Variants in CREB1 observed in about 807,000 individuals in gnomAD.
The protein encoded by CREB1 is cAMP responsive element binding protein 1, also known as cyclic AMP-responsive element-binding protein 1.
CREB1 carries 2 observed loss-of-function variants against 42.0 expected under a neutral mutation model. That is an observed-to-expected ratio of 0.05 (90% CI 0.02 to 0.15). The LOEUF (loss-of-function observed/expected upper bound fraction) is 0.15. Among genes scored for constraint, CREB1 ranks in the 10% least tolerant of loss-of-function variants. CREB1 has a pLI of 1.00. For synonymous variants in CREB1, 123 were observed against 139.9 expected (o/e 0.88, Z 0.85); for missense variants, 199 against 388.9 (o/e 0.51, Z 4.11).
intron 7 of CREB1, among the ~76,000 whole-genome samples, chr2:207,589,462 C>A (rs2084542373): frequency 6.6e-6 from 1 of 152,190 alleles, no homozygotes; most frequent in Non-Finnish European, 1.5e-5. Context: ...TTAAGGTCAG[C>A]TAATTAACAA....
At chr2:207,541,569 T>A (rs2081100715) in intron 1 of CREB1, among the ~76,000 whole-genome samples, 1 of 152,202 alleles carries the variant, frequency 6.6e-6, no homozygotes, top group African/African-American at 2.4e-5. Context: ...AGGTTTTGTT[T>A]TCTAACCTAA....
At chr2:207,561,054 G>T (rs1382089122) in intron 3 of CREB1, 2 of 1,418,584 alleles carry the variant, frequency 1.4e-6, no homozygotes, top group Non-Finnish European at 2.0e-6. Context: ...TGAAAAAAAA[G>T]ACTTGAACGT....
chr2:207,594,407 C>T (rs2085716717), intron 7 of CREB1, among the ~76,000 whole-genome samples: 1 of 152,142 alleles, frequency 6.6e-6, no homozygotes, highest in African/African-American at 2.4e-5. Context: ...CCCCTGGCAG[C>T]CACTAATGTA....
intron 7 of CREB1, among the ~76,000 whole-genome samples, chr2:207,588,365 G>C (rs192621769): frequency 1.3e-5 from 2 of 152,162 alleles, no homozygotes; most frequent in Admixed American, 1.3e-4. Context: ...GTGTGAGTCT[G>C]TTTCTTGGAT....
rs1334727324 is a variant in CREB1 at position 207,600,157 on chromosome 2, T to C, written c.*3099T>C. On this transcript the variant is annotated 3_prime_UTR_variant, in exon 8 of 8. Coordinates refer to ENST00000353267, the MANE Select transcript of CREB1 (RefSeq NM_004379.5). ...TTCTTTTTCAAACTCAAGTACCATATTGGCAACCATAATATTGTCATAGGT... is the reference window on the plus strand; with the variant it reads ...TTCTTTTTCAAACTCAAGTACCATACTGGCAACCATAATATTGTCATAGGT... 2 of 179,160 alleles carry C rather than the reference T, an allele frequency of 1.1e-5. No homozygotes were observed. The highest frequency in any genetic ancestry group is 2.4e-5 in the Non-Finnish European group (2 of 84,064). The allele number at this position is 179,160 out of a possible 1,614,324, so 11.1% of individuals were successfully genotyped here. A position where few individuals can be genotyped will look rare whatever the true frequency, so the allele number is the denominator to read the frequency against.
chr2:207,585,270 C>CCG (rs2083613616), intron 7 of CREB1, among the ~76,000 whole-genome samples: 2 of 152,208 alleles, frequency 1.3e-5, no homozygotes, highest in Non-Finnish European at 2.9e-5. Flanking sequence ...CCACTGACAA[C>CCG]CGAAGCCTAA....
intron 4 of CREB1, chr2:207,568,241 G>A (rs868361238): frequency 6.6e-6 from 1 of 151,888 alleles, no homozygotes; most frequent in Non-Finnish European, 1.5e-5. Context: ...CAAAGGGATG[G>A]TTTTTTCCCC....
At chr2:207,575,167 G>GT in intron 5 of CREB1, 105 bp from the exon 6 acceptor site, 1 of 1,208,868 alleles carries the variant, frequency 8.3e-7, no homozygotes. Context: ...GTTATTTGCT[G>GT]TAACTTCTCC....
rs2087869609 is a variant in CREB1 at position 207,605,103 on chromosome 2, G to A, written c.*8045G>A. Among the ~76,000 whole-genome samples, 1 of 152,106 alleles carries A rather than the reference G, an allele frequency of 6.6e-6. No homozygotes were observed. Among genetic ancestry groups the A allele is most frequent in the Non-Finnish European group, 1.5e-5 (1 of 68,022 alleles). ...TATATGCCTGGGAGTGGAGTTGCTG[G>A]GTCATGTTGAAATCGCACATTTAAC... On this transcript the variant is annotated 3_prime_UTR_variant, in exon 8 of 8. Coordinates refer to ENST00000353267, the MANE Select transcript of CREB1 (RefSeq NM_004379.5).
intron 5 of CREB1, among the ~76,000 whole-genome samples, chr2:207,572,242 AAG>A (rs1277210374): frequency 2.0e-5 from 3 of 149,850 alleles, no homozygotes; most frequent in Admixed American, 1.3e-4. Context: ...AAAAAAAAAA[AAG>A]AGAGATTAAT....
At chr2:207,537,886 G>C (rs1331314633) in intron 1 of CREB1, among the ~76,000 whole-genome samples, 1 of 152,150 alleles carries the variant, frequency 6.6e-6, no homozygotes, top group African/African-American at 2.4e-5. Flanking sequence ...CTTGGGACCA[G>C]AAGTATTTCC....
At chr2:207,569,273 T>G (rs573947672) in intron 4 of CREB1, among the ~76,000 whole-genome samples, 1 of 152,322 alleles carries the variant, frequency 6.6e-6, no homozygotes, top group South Asian at 2.1e-4. Context: ...TTAATATTGT[T>G]GGAATTGGGG....
At chr2:207,555,890 A>G (rs2106456008) in intron 2 of CREB1, 141 bp downstream of exon 2, 1 of 569,810 alleles carries the variant, frequency 1.8e-6, no homozygotes, top group South Asian at 2.6e-5. Flanking sequence ...TTTACTTAGT[A>G]TTAGAGTATA....
At chr2:207,543,410 A>G (rs769968529) in intron 1 of CREB1, among the ~76,000 whole-genome samples, 4 of 152,136 alleles carry the variant, frequency 2.6e-5, no homozygotes, top group Admixed American at 1.3e-4. Flanking sequence ...CACAGTTACA[A>G]ACATTTACCT....
chr2:207,582,170 A>G (rs1366929697), intron 7 of CREB1: 2 of 702,892 alleles, frequency 2.8e-6, no homozygotes, highest in Non-Finnish European at 5.2e-6. Flanking sequence ...CCTAAAAGGG[A>G]GAATATGAAA....
intron 1 of CREB1, chr2:207,550,712 T>TAGTC (rs1206239305): frequency 6.6e-6 from 1 of 152,180 alleles, no homozygotes; most frequent in African/African-American, 2.4e-5. Flanking sequence ...TTGCTATAGG[T>TAGTC]AGTCAGGTAA....
intron 5 of CREB1, chr2:207,571,734 C>T (rs2082372827): frequency 4.4e-6 from 2 of 455,058 alleles, no homozygotes; most frequent in Non-Finnish European, 8.8e-6. Flanking sequence ...TCTACTTCAG[C>T]ATACCTGAGG....
intron 1 of CREB1, among the ~76,000 whole-genome samples, chr2:207,541,605 C>T (rs1286379718): frequency 6.6e-6 from 1 of 152,162 alleles, no homozygotes; most frequent in Non-Finnish European, 1.5e-5. Flanking sequence ...TTTCTCAGAA[C>T]ATATTACCAT....
In CREB1 at chr2:207,597,961, T is replaced by G. The variant is rs1167940901; in HGVS notation, c.*903T>G. ...TTATTGTCCTCACCTTCAAAAATAT[T>G]TATATTGTCACTCATTTACGTAAAA... is the stretch of plus-strand genomic sequence containing the variant. On this transcript the variant is annotated 3_prime_UTR_variant, in exon 8 of 8. Transcript: ENST00000353267. 5.4e-6 allele frequency: 1 copy of G among 184,612 alleles called. No homozygotes were observed. The highest frequency in any genetic ancestry group is 2.3e-5 in the African/African-American group (1 of 42,600). 11.4% of individuals were successfully genotyped at this position (184,612 alleles called of 1,614,324 possible). A position where few individuals can be genotyped will look rare whatever the true frequency, so the allele number is the denominator to read the frequency against.
Sources: allele counts gnomAD v4.1 joint callset (sites outside exome capture counted in the v4.1 genomes callset), GRCh38; gene constraint gnomAD v4.1.1; transcripts MANE v1.5; gene names NCBI Gene and HGNC (gene_info 2026-07-23, HGNC 2026-07-21).